The following ADAMTS7 variants were observed in gnomAD, a reference collection of about 807,000 sequenced individuals.
ADAMTS7 encodes the protein A disintegrin and metalloproteinase with thrombospondin motifs 7.
Under a neutral mutation model 172.6 loss-of-function variants are expected in ADAMTS7, and 89 were observed. The ratio of observed to expected loss-of-function variants is 0.52; its 90% CI spans 0.43 to 0.61. The LOEUF (loss-of-function observed/expected upper bound fraction) is 0.61. Among genes scored for constraint, ADAMTS7 ranks in the 20% least tolerant of loss-of-function variants. ADAMTS7 has a pLI of 0.00. For missense variants in ADAMTS7, 1,973 were observed against 2,355.6 expected, an observed-to-expected ratio of 0.84 and a Z score of 3.36; for synonymous variants, 885 against 978.4, an observed-to-expected ratio of 0.90 and a Z score of 1.78.
intron 1 of ADAMTS7, among the ~76,000 whole-genome samples, chr15:78,802,305 G>A (rs779523295): frequency 6.6e-6 from 1 of 152,206 alleles, no homozygotes; most frequent in Non-Finnish European, 1.5e-5. Context: ...AGCAGTGCCT[G>A]AGCCACTGGT....
chr15:78,802,508 T>A (rs1302978294), intron 1 of ADAMTS7, among the ~76,000 whole-genome samples: 5 of 152,220 alleles, frequency 3.3e-5, no homozygotes, highest in African/African-American at 4.8e-5. Flanking sequence ...TTCTTTCTTT[T>A]ACATGCAAGA....
chr15:78,789,551 A>G, intron 7 of ADAMTS7, 138 bp downstream of exon 7: 3 of 1,218,180 alleles, frequency 2.5e-6, no homozygotes, highest in Non-Finnish European at 3.4e-6. Flanking sequence ...CAGGGGCAGC[A>G]CATGGCCAGT....
Position 78,763,989 on chromosome 15 carries a change from C to A in ADAMTS7, c.4530G>T (p.Pro1510=). The A allele has an allele frequency of 6.5e-7, 1 of 1,545,070 alleles. No homozygotes were observed. The highest frequency in any genetic ancestry group is 8.7e-7 in the Non-Finnish European group (1 of 1,144,538). The change falls in exon 21 of 24, where the codon CCG becomes CCT. Residue 1510 remains proline (P), a synonymous_variant. Coordinates refer to ENST00000388820, the MANE Select transcript of ADAMTS7 (RefSeq NM_014272.5). ...GGGCCCCGCAGGGCCGGTGCGCAGG[C>A]GGCTTGGCAGGCCCGGGCTGACAAT... ...PFHCQPGPAK[P]PAHRPCGAQP... is the part of the protein sequence containing the mutation.
chr15:78,794,441 G>A (rs1045254989), intron 4 of ADAMTS7, among the ~76,000 whole-genome samples: 36 of 152,194 alleles, frequency 2.4e-4, no homozygotes, highest in African/African-American at 8.0e-4. Flanking sequence ...AGCCTCCTAG[G>A]GGGTCCAGCA....
intron 9 of ADAMTS7, chr15:78,777,138 C>T (rs1411266398): frequency 3.5e-6 from 2 of 565,546 alleles, no homozygotes; most frequent in Non-Finnish European, 6.3e-6. Context: ...CGATCTTCGC[C>T]AGGATAAACA....
rs778238267 is a variant in ADAMTS7, at chr15:78,766,580, C to T, written c.3331G>A (p.Val1111Met). Residue 1111 changes from valine (V) to methionine (M), a missense_variant, in exon 19 of 24, where the codon GTG becomes ATG. Around this residue, in one of 8 missense-constraint regions of ADAMTS7, gnomAD observed 771 missense variants for 952.6 expected, o/e 0.81. Transcript: ENST00000388820. ...HPAAPSTGSP[V>M]PATEPPAAKE... ...GCTGCAGGAGGCTCTGTGGCAGGCA[C>T]GGGGCTACCCGTGGAGGGCGCAGCA... The T allele has an allele frequency of 1.9e-6, 3 of 1,603,410 alleles. No individual in the cohort carries two copies. The highest frequency in any genetic ancestry group is 4.5e-5 in the East Asian group (2 of 44,840).
chr15:78,793,356 T>C (rs1483720189), intron 4 of ADAMTS7, among the ~76,000 whole-genome samples: 1 of 151,948 alleles, frequency 6.6e-6, no homozygotes, highest in African/African-American at 2.4e-5. Context: ...TTTTACCTTT[T>C]TTTTTTTTTT....
At chr15:78,784,492 A>C (rs2055475662) in intron 8 of ADAMTS7, among the ~76,000 whole-genome samples, 1 of 152,196 alleles carries the variant, frequency 6.6e-6, no homozygotes, top group South Asian at 2.1e-4. Context: ...TAAAAATAAG[A>C]AAGTGAGAGA....
intron 8 of ADAMTS7, among the ~76,000 whole-genome samples, chr15:78,784,428 AGGG>A (rs2055474776): frequency 7.9e-6 from 1 of 126,124 alleles, no homozygotes; most frequent in African/African-American, 2.9e-5. Flanking sequence ...GGAGGGAGGG[AGGG>A]AGGATAGAAA....
In ADAMTS7 at chr15:78,774,197, G is replaced by A. The variant is rs371964772; in HGVS notation, c.1980C>T (p.Ser660=). Residue 660 remains serine (S), a synonymous_variant, in exon 13 of 24, where the codon AGC becomes AGT. Coordinates refer to ENST00000388820, the MANE Select transcript of ADAMTS7 (RefSeq NM_014272.5). The part of the protein sequence containing the change: ...DGTPCYQVRA[S]RDLCINGICK... The stretch of plus-strand genomic sequence containing the variant: ...AGATGCCGTTGATGCAGAGGTCCCG[G>A]CTGGCTCGGACCTGGTAGCAGGGGG... The A allele has an allele frequency of 3.1e-6, 5 of 1,590,704 alleles. No homozygotes were observed. Among genetic ancestry groups the A allele is most frequent in the Non-Finnish European group, 4.2e-6 (5 of 1,177,206 alleles).
chr15:78,765,535 A>G (rs2055125133), intron 19 of ADAMTS7, 110 bp downstream of exon 19: 3 of 1,531,342 alleles, frequency 2.0e-6, no homozygotes, highest in South Asian at 2.4e-5. Context: ...CCCTGCCCCA[A>G]GAGAGGCTAG....
At chr15:78,774,835 A>C (rs779361268) in intron 11 of ADAMTS7, 42 bp from the exon 12 acceptor site, 1 of 1,548,204 alleles carries the variant, frequency 6.5e-7, no homozygotes, top group Non-Finnish European at 8.7e-7. Flanking sequence ...CGGCCCAGTG[A>C]GTGCTACTGC....
intron 23 of ADAMTS7, chr15:78,762,018 G>A (rs1786912595): frequency 1.1e-5 from 11 of 985,418 alleles, no homozygotes; most frequent in Non-Finnish European, 9.6e-6. Flanking sequence ...TGGGGACAGG[G>A]ACTCACCCAG....
At chr15:78,773,337 C>A (rs77118493) in intron 13 of ADAMTS7, 134 bp from the exon 14 acceptor site, 16 of 620,642 alleles carry the variant, frequency 2.6e-5, no homozygotes, top group Admixed American at 6.4e-5. Context: ...CCCTGCCCCA[C>A]CTCAGCTGTG....
Position 78,811,161 on chromosome 15 carries a change from G to A in ADAMTS7, c.60C>T (p.Leu20=), listed in dbSNP as rs760271837. ...PAPLLRPLLL[L]LCALAPGAPG... is the part of the protein sequence containing the mutation. ...GGGCGCCGGGAGCCAGAGCGCAGAGGAGCAGGAGGAGGGGGCGCAGCAAAG... is the reference window on the plus strand; with the variant it reads ...GGGCGCCGGGAGCCAGAGCGCAGAGAAGCAGGAGGAGGGGGCGCAGCAAAG... Residue 20 remains leucine, a synonymous_variant, in exon 1 of 24, where the codon CTC becomes CTT. Transcript: ENST00000388820. 5.7e-6 allele frequency: 7 copies of A among 1,230,062 alleles called. No individual in the cohort carries two copies. In the African/African-American group the frequency reaches 7.8e-5, roughly 14 times the overall value. 76.2% of individuals were successfully genotyped at this position (1,230,062 alleles called of 1,614,324 possible).
intron 22 of ADAMTS7, among the ~76,000 whole-genome samples, chr15:78,762,877 C>A (rs971911599): frequency 6.6e-6 from 1 of 152,216 alleles, no homozygotes; most frequent in Non-Finnish European, 1.5e-5. Flanking sequence ...GCAGGGGCGC[C>A]GGGATGGAGC....
chr15:78,794,700 G>C (rs1336757683), intron 4 of ADAMTS7, among the ~76,000 whole-genome samples: 2 of 152,120 alleles, frequency 1.3e-5, no homozygotes, highest in Non-Finnish European at 2.9e-5. Flanking sequence ...TGTTGGGTTG[G>C]GCAGGTCTTT....
chr15:78,779,638 C>T (rs1235643633), intron 8 of ADAMTS7, among the ~76,000 whole-genome samples: 4 of 152,166 alleles, frequency 2.6e-5, no homozygotes, highest in Non-Finnish European at 1.5e-5. Context: ...GTATCAGCGG[C>T]GGGTGGTGGG....
chr15:78,772,208 C>A (rs2055262948), intron 14 of ADAMTS7, among the ~76,000 whole-genome samples: 1 of 152,188 alleles, frequency 6.6e-6, no homozygotes, highest in African/African-American at 2.4e-5. Context: ...TCCATCACAC[C>A]CATCACGTGC....
Sources: allele counts gnomAD v4.1 joint callset (sites outside exome capture counted in the v4.1 genomes callset), GRCh38; gene constraint gnomAD v4.1.1; regional missense constraint gnomAD v4.1.1; transcripts MANE v1.5; gene names NCBI Gene and HGNC (gene_info 2026-07-23, HGNC 2026-07-21).